ASH1L: variants seen among roughly 807,000 people sequenced by gnomAD.
ASH1L encodes the protein ASH1 like histone lysine methyltransferase, also known as histone-lysine N-methyltransferase ASH1L.
ASH1L carries 23 observed loss-of-function variants against 269.0 expected under a neutral mutation model. The observed-to-expected ratio is 0.09, with a 90% CI of 0.06 to 0.12. The LOEUF (loss-of-function observed/expected upper bound fraction) is 0.12, where lower values mean the gene tolerates loss of function less well. Among genes scored for constraint, ASH1L ranks in the 10% least tolerant of loss-of-function variants. The pLI, the probability that ASH1L is intolerant of heterozygous loss-of-function variation, is 1.00. For missense variants in ASH1L, 2,912 were observed against 3,567.8 expected, an observed-to-expected ratio of 0.82 and a Z score of 4.68; for synonymous variants, 1,187 against 1,253.5, an observed-to-expected ratio of 0.95 and a Z score of 1.12.
intron 10 of ASH1L, among the ~76,000 whole-genome samples, chr1:155,373,142 G>C (rs540850453): frequency 8.6e-4 from 130 of 151,914 alleles, no homozygotes; most frequent in African/African-American, 2.9e-3. Context: ...GAACTTGTCC[G>C]GCGGACGTTG....
intron 5 of ASH1L, among the ~76,000 whole-genome samples, chr1:155,418,393 A>G (rs921920028): frequency 1.2e-4 from 19 of 152,142 alleles, no homozygotes; most frequent in African/African-American, 4.6e-4. Flanking sequence ...CTTAACAGCA[A>G]ATAAGGCACT....
At chr1:155,501,938 G>A (rs1476417168) in intron 2 of ASH1L, among the ~76,000 whole-genome samples, 2 of 152,116 alleles carry the variant, frequency 1.3e-5, no homozygotes, top group East Asian at 3.9e-4. Flanking sequence ...TGGGATTACA[G>A]GCATGAGCCA....
chr1:155,505,839 A>G (rs1667778278), intron 2 of ASH1L, among the ~76,000 whole-genome samples: 1 of 152,158 alleles, frequency 6.6e-6, no homozygotes, highest in African/African-American at 2.4e-5. Context: ...CACTATTATT[A>G]TCATTATTTT....
At chr1:155,522,847 C>A (rs182230335) in intron 1 of ASH1L, among the ~76,000 whole-genome samples, 20 of 152,136 alleles carry the variant, frequency 1.3e-4, no homozygotes, top group Non-Finnish European at 2.2e-4. Flanking sequence ...CCACCATACT[C>A]ACCCGGCTAA....
At chr1:155,463,519 G>A (rs1034402317) in intron 3 of ASH1L, among the ~76,000 whole-genome samples, 1 of 152,154 alleles carries the variant, frequency 6.6e-6, no homozygotes, top group African/African-American at 2.4e-5. Flanking sequence ...ATAGGCAGGT[G>A]TGGGGGCTCA....
intron 3 of ASH1L, among the ~76,000 whole-genome samples, chr1:155,476,121 T>C (rs1665521093): frequency 6.6e-6 from 1 of 152,192 alleles, no homozygotes; most frequent in Non-Finnish European, 1.5e-5. Flanking sequence ...GTGCAGTGGC[T>C]CAAGCCTGTA....
At chr1:155,532,877 ATATGTATATATATATGTATG>A (rs1460035628) in intron 1 of ASH1L, among the ~76,000 whole-genome samples, 3 of 149,010 alleles carry the variant, frequency 2.0e-5, no homozygotes, top group Non-Finnish European at 4.4e-5. Context: ...ATGTGTATAT[ATATGTATATATATATGTATG>A]TATGTATATG....
chr1:155,349,820 C>T (rs1291884797), intron 17 of ASH1L, among the ~76,000 whole-genome samples: 8 of 146,770 alleles, frequency 5.5e-5, no homozygotes, highest in African/African-American at 2.0e-4. Context: ...TGAGTTCAAG[C>T]GATTCTCCTG....
intron 2 of ASH1L, among the ~76,000 whole-genome samples, chr1:155,483,923 ATATGC>A (rs915666062): frequency 6.6e-5 from 10 of 152,146 alleles, no homozygotes; most frequent in African/African-American, 2.4e-4. Context: ...AATGGTTATA[ATATGC>A]TATGCTATGC....
At chr1:155,337,819 T>A in intron 27 of ASH1L, 68 bp from the exon 28 acceptor site, 1 of 1,423,934 alleles carries the variant, frequency 7.0e-7, no homozygotes, top group Non-Finnish European at 9.9e-7. Flanking sequence ...ATTTGAGCTC[T>A]AAGGAGAGCA....
At chr1:155,352,946 T>A in intron 16 of ASH1L, 88 bp from the exon 17 acceptor site, 1 of 1,313,400 alleles carries the variant, frequency 7.6e-7, no homozygotes, top group Non-Finnish European at 1.0e-6. Flanking sequence ...CCATTTGCTC[T>A]ATTTTCCCCT....
intron 5 of ASH1L, among the ~76,000 whole-genome samples, chr1:155,419,689 A>AT (rs1427728004): frequency 6.6e-6 from 1 of 152,216 alleles, no homozygotes; most frequent in Non-Finnish European, 1.5e-5. Context: ...GATTTGCCTC[A>AT]TATGTACAGG....
chr1:155,439,309 T>G (rs757362250), intron 4 of ASH1L, among the ~76,000 whole-genome samples: 7 of 151,692 alleles, frequency 4.6e-5, no homozygotes, highest in Non-Finnish European at 1.0e-4. Context: ...GAGGTAAGGA[T>G]TAGAAAGAAA....
At chr1:155,551,808 A>C in intron 1 of ASH1L, among the ~76,000 whole-genome samples, 1 of 139,136 alleles carries the variant, frequency 7.2e-6, no homozygotes, top group East Asian at 2.2e-4. Context: ...TCTCTACTAA[A>C]GATAAAAAAA....
chr1:155,376,467 C>T (rs1161633396), intron 10 of ASH1L, among the ~76,000 whole-genome samples: 1 of 152,194 alleles, frequency 6.6e-6, no homozygotes, highest in African/African-American at 2.4e-5. Flanking sequence ...TCTATATCCA[C>T]TCCTTTGTCT....
intron 27 of ASH1L, 152 bp downstream of exon 27, chr1:155,337,937 A>T: frequency 9.9e-7 from 1 of 1,015,004 alleles, no homozygotes; most frequent in Non-Finnish European, 1.4e-6. Context: ...TTCCAGTTTC[A>T]CTACCAAGAT....
chr1:155,530,079 C>T (rs1669556339), intron 1 of ASH1L, among the ~76,000 whole-genome samples: 2 of 152,162 alleles, frequency 1.3e-5, no homozygotes, highest in South Asian at 4.1e-4. Flanking sequence ...ACAGAACACC[C>T]TTTCCCCAGA....
chr1:155,527,254 C>T (rs1669325431), intron 1 of ASH1L, among the ~76,000 whole-genome samples: 1 of 152,026 alleles, frequency 6.6e-6, no homozygotes, highest in African/African-American at 2.4e-5. Flanking sequence ...CATCCTCCAC[C>T]ATCTTCCCAT....
At chr1:155,467,884 TACATA>T (rs1266017065) in intron 3 of ASH1L, among the ~76,000 whole-genome samples, 1 of 152,182 alleles carries the variant, frequency 6.6e-6, no homozygotes, top group African/African-American at 2.4e-5. Flanking sequence ...AATTCAGATT[TACATA>T]AAAGTTACAA....
Sources: allele counts gnomAD v4.1 joint callset (sites outside exome capture counted in the v4.1 genomes callset), GRCh38; gene constraint gnomAD v4.1.1; transcripts MANE v1.5; gene names NCBI Gene and HGNC (gene_info 2026-07-23, HGNC 2026-07-21).